The following LNX1 variants were observed in gnomAD, a reference collection of about 807,000 sequenced individuals.
LNX1 encodes E3 ubiquitin-protein ligase LNX.
Under a neutral mutation model 68.4 loss-of-function variants are expected in LNX1, and 54 were observed. That is an observed-to-expected ratio of 0.79 (90% CI 0.63 to 0.99). The LOEUF (loss-of-function observed/expected upper bound fraction) is 0.99. LNX1 is among the 50% of genes least tolerant of loss of function. The pLI is 0.00. For missense variants in LNX1, 906 were observed against 926.4 expected, an observed-to-expected ratio of 0.98 and a Z score of 0.29; for synonymous variants, 336 against 350.0, an observed-to-expected ratio of 0.96 and a Z score of 0.45.
At chr4:53,620,468 T>A (rs1448871294), upstream of LNX1, among the ~76,000 whole-genome samples, 6 of 152,162 alleles carry the variant, frequency 3.9e-5, no homozygotes, top group East Asian at 1.2e-3. Flanking sequence ...AAACATATAA[T>A]GTGACCAAAG....
At chr4:53,532,877 T>A (rs920141334) in intron 2 of LNX1, among the ~76,000 whole-genome samples, 10 of 151,642 alleles carry the variant, frequency 6.6e-5, no homozygotes, top group African/African-American at 1.9e-4. Context: ...CCCAGGAAGT[T>A]GCTGCCAGCA....
At chr4:53,566,540 A>C (rs1284783527) in intron 2 of LNX1, among the ~76,000 whole-genome samples, 2 of 150,294 alleles carry the variant, frequency 1.3e-5, no homozygotes, top group Non-Finnish European at 3.0e-5. Context: ...GCCGCTGCAA[A>C]ATCATGCCAA....
intron 2 of LNX1, among the ~76,000 whole-genome samples, chr4:53,608,878 C>T (rs139929888): frequency 1.1e-4 from 16 of 152,116 alleles, no homozygotes; most frequent in East Asian, 3.9e-4. Context: ...AAATACCACA[C>T]GTTCTCACTT....
At chr4:53,600,678 C>T (rs180990482) in intron 2 of LNX1, among the ~76,000 whole-genome samples, 9 of 152,110 alleles carry the variant, frequency 5.9e-5, no homozygotes, top group African/African-American at 2.2e-4. Context: ...CCCTTTTTAA[C>T]TTGGACATGA....
rs373637202 is a variant in LNX1, at chr4:53,478,614, G to A, written c.1614C>T (p.Ile538=). 6.2e-7 allele frequency: 1 copy of A among 1,613,812 alleles called. No individual in the cohort carries two copies. Among genetic ancestry groups the A allele is most frequent in the Non-Finnish European group, 8.5e-7 (1 of 1,179,952 alleles). The change falls in exon 8 of 11, where the codon ATC becomes ATT. Residue 538 remains isoleucine (I), a synonymous_variant. Transcript: ENST00000263925. ...TTATGACTCCTCCGGGCTCAACACT[G>A]ATGACATAGATAGGCAAATCCCATT... The part of the protein sequence containing the change: ...HREWDLPIYV[I]SVEPGGVISR...
At chr4:53,499,909 C>G (rs2109483636) in intron 4 of LNX1, among the ~76,000 whole-genome samples, 1 of 152,322 alleles carries the variant, frequency 6.6e-6, no homozygotes, top group Middle Eastern at 3.4e-3. Flanking sequence ...TGTTTTCAAA[C>G]TGTATTTTTA....
At chr4:53,578,444 G>A (rs962370494) in intron 1 of LNX1, among the ~76,000 whole-genome samples, 2 of 152,162 alleles carry the variant, frequency 1.3e-5, no homozygotes, top group Non-Finnish European at 2.9e-5. Context: ...GTAGGCAACT[G>A]TAACACAATG....
chr4:53,567,873 T>C (rs1192889145), intron 2 of LNX1, among the ~76,000 whole-genome samples: 1 of 151,982 alleles, frequency 6.6e-6, no homozygotes, highest in East Asian at 1.9e-4. Flanking sequence ...AACACCTCTA[T>C]GCAAATAAAC....
At chr4:53,613,088 T>G (rs553739560) in intron 2 of LNX1, among the ~76,000 whole-genome samples, 53 of 149,650 alleles carry the variant, frequency 3.5e-4, no homozygotes, top group African/African-American at 1.3e-3. Context: ...AGACACATAC[T>G]AGATTATTAA....
At chr4:53,611,425 C>A (rs1162200920) in intron 2 of LNX1, among the ~76,000 whole-genome samples, 1 of 152,028 alleles carries the variant, frequency 6.6e-6, no homozygotes, top group Non-Finnish European at 1.5e-5. Flanking sequence ...GTGTGTTTTA[C>A]TAAAAATCAC....
At position 53,478,685 on chromosome 4, in the gene LNX1, C is replaced by G. The variant is rs559245128; in HGVS notation, c.1543G>C (p.Gly515Arg). The stretch of plus-strand genomic sequence containing the variant: ...GCGACGGTCATGCCGAGAGATTCAC[C>G]GGGGTCTTTTTGGATATTTACCACC... ...EKVVNIQKDP[G>R]ESLGMTVAGG... is the part of the protein sequence containing the mutation. Residue 515 changes from glycine (G) to arginine (R), a missense_variant, in exon 8 of 11, where the codon GGT (glycine) becomes CGT (arginine). Physicochemically the swap from Gly to Arg is moderately radical, Grantham distance 125. Transcript: ENST00000263925. 51 of 1,614,000 alleles carry G rather than the reference C, an allele frequency of 3.2e-5. 1 individual carries two copies. In the South Asian group the frequency reaches 5.1e-4, roughly 16 times the overall value.
chr4:53,510,103 G>T (rs2412483), intron 2 of LNX1, among the ~76,000 whole-genome samples: 146,084 of 152,210 alleles, frequency 0.96, 70,391 homozygotes, highest in East Asian at 1. Context: ...GCACCCAAGG[G>T]AATTAAAAGT....
At chr4:53,466,595 AAG>A (rs1264210061) in intron 9 of LNX1, among the ~76,000 whole-genome samples, 2 of 152,178 alleles carry the variant, frequency 1.3e-5, no homozygotes, top group African/African-American at 2.4e-5. Context: ...TAGTCAAAGA[AAG>A]GGGTGACAGA....
intron 2 of LNX1, among the ~76,000 whole-genome samples, chr4:53,557,366 A>G (rs546211336): frequency 6.6e-6 from 1 of 152,336 alleles, no homozygotes; most frequent in African/African-American, 2.4e-5. Flanking sequence ...CGTATCCCAT[A>G]GGTTTCAAAA....
chr4:53,577,415 A>C (rs1005097442), intron 1 of LNX1, among the ~76,000 whole-genome samples: 2 of 152,092 alleles, frequency 1.3e-5, no homozygotes, highest in African/African-American at 4.8e-5. Context: ...ATACAACTGC[A>C]TGTTTCTGGG....
At chr4:53,557,883 T>C in intron 2 of LNX1, 4 of 1,613,246 alleles carry the variant, frequency 2.5e-6, no homozygotes, top group Non-Finnish European at 3.4e-6. Flanking sequence ...CAGTTCTGAA[T>C]ACAGGAAGTG....
At chr4:53,495,960 G>A (rs1725020821) in intron 6 of LNX1, 63 bp downstream of exon 6, 2 of 1,554,100 alleles carry the variant, frequency 1.3e-6, no homozygotes, top group Admixed American at 1.8e-5. Flanking sequence ...GGTTCAGGGG[G>A]ATGTGCATTC....
intron 2 of LNX1, among the ~76,000 whole-genome samples, chr4:53,523,793 C>T (rs1727417031): frequency 1.3e-5 from 2 of 152,170 alleles, no homozygotes; most frequent in African/African-American, 2.4e-5. Context: ...CAATTAGTGG[C>T]CCTCTTTACT....
chr4:53,470,317 T>A (rs1351445144), intron 9 of LNX1, among the ~76,000 whole-genome samples: 1 of 152,152 alleles, frequency 6.6e-6, no homozygotes, highest in South Asian at 2.1e-4. Context: ...TCTCAATAAA[T>A]TAGGTATTGA....
Sources: allele counts gnomAD v4.1 joint callset (sites outside exome capture counted in the v4.1 genomes callset), GRCh38; gene constraint gnomAD v4.1.1; transcripts MANE v1.5; gene names NCBI Gene and HGNC (gene_info 2026-07-23, HGNC 2026-07-21).